DDX10: variants seen among roughly 807,000 people sequenced by gnomAD.
The protein encoded by DDX10 is DEAD-box helicase 10, also known as probable ATP-dependent RNA helicase DDX10.
In DDX10, 74 loss-of-function variants were observed where a neutral mutation model predicts 104.3. The observed-to-expected ratio is 0.71, with a 90% confidence interval of 0.59 to 0.86. The LOEUF is 0.86. DDX10 is among the 40% of genes least tolerant of loss of function. The probability of loss-of-function intolerance (pLI) is 0.00; values close to 1 mark genes in which losing one functional copy is unlikely to be tolerated. For synonymous variants in DDX10, 351 were observed against 353.4 expected (o/e 0.99, Z 0.08); for missense variants, 952 against 1,040.0 (o/e 0.92, Z 1.16).
intron 13 of DDX10, among the ~76,000 whole-genome samples, chr11:108,732,509 G>C (rs989804942): frequency 7.2e-5 from 11 of 152,246 alleles, no homozygotes; most frequent in Admixed American, 5.9e-4. Flanking sequence ...TTAGACTTCG[G>C]CGTAAATGGA....
rs747242977 is a variant in DDX10, at chr11:108,689,083, T to C, written c.975+21T>C. The C allele has an allele frequency of 3.1e-6, 5 of 1,612,278 alleles. No individual in the cohort carries two copies. The African/African-American group carries it at 6.7e-5, about 22-fold the overall frequency. On this transcript the variant is annotated intron_variant, in intron 7 of 17. Transcript: ENST00000322536. ...AAGAGGTATTGGCTGTTTATTTTGC[T>C]TTCTGAACGTATGTTGAATGTCCCT...
chr11:108,692,483 A>G (rs1010053830), intron 8 of DDX10, among the ~76,000 whole-genome samples: 2 of 152,192 alleles, frequency 1.3e-5, no homozygotes, highest in Admixed American at 1.3e-4. Context: ...TTTGTTGATT[A>G]TACAACTCCT....
intron 13 of DDX10, among the ~76,000 whole-genome samples, chr11:108,803,715 G>A (rs989840656): frequency 6.6e-6 from 1 of 151,968 alleles, no homozygotes; most frequent in East Asian, 1.9e-4. Flanking sequence ...TACTTAAAGT[G>A]TAATTTTATG....
intron 13 of DDX10, among the ~76,000 whole-genome samples, chr11:108,801,973 G>T (rs965105215): frequency 4.0e-5 from 6 of 151,152 alleles, no homozygotes; most frequent in East Asian, 1.9e-4. Context: ...TTAAAAAAGT[G>T]GGGGGAGGGA....
intron 13 of DDX10, among the ~76,000 whole-genome samples, chr11:108,763,076 G>A (rs1178530788): frequency 6.6e-6 from 1 of 152,136 alleles, no homozygotes; most frequent in Non-Finnish European, 1.5e-5. Flanking sequence ...TGATCCTTGA[G>A]CAGGCTTCAC....
At chr11:108,673,225 G>A (rs1056021091) in intron 1 of DDX10, among the ~76,000 whole-genome samples, 12 of 152,164 alleles carry the variant, frequency 7.9e-5, no homozygotes, top group African/African-American at 2.9e-4. Flanking sequence ...TATGTGTGGT[G>A]TGTGTGTATT....
intron 16 of DDX10, among the ~76,000 whole-genome samples, chr11:108,855,471 A>T (rs922710309): frequency 2.6e-5 from 4 of 152,028 alleles, no homozygotes; most frequent in African/African-American, 4.8e-5. Flanking sequence ...TTATTTATTT[A>T]TTTTTTAAGA....
intron 13 of DDX10, among the ~76,000 whole-genome samples, chr11:108,749,274 G>A (rs149948630): frequency 6.6e-6 from 1 of 152,056 alleles, no homozygotes; most frequent in African/African-American, 2.4e-5. Flanking sequence ...TCATCATTAC[G>A]CTCCATGTGT....
At chr11:108,711,116 G>A (rs2094283699) in intron 10 of DDX10, among the ~76,000 whole-genome samples, 2 of 152,170 alleles carry the variant, frequency 1.3e-5, no homozygotes. Flanking sequence ...ATCACTGACT[G>A]ACACATCATT....
At chr11:108,719,212 G>A (rs748645518) in intron 11 of DDX10, among the ~76,000 whole-genome samples, 1 of 149,682 alleles carries the variant, frequency 6.7e-6, no homozygotes, top group Non-Finnish European at 1.5e-5. Flanking sequence ...TCCTGAAATG[G>A]TTTTATTAAA....
chr11:108,939,775 T>A (rs1196626169), intron 17 of DDX10, among the ~76,000 whole-genome samples: 1 of 152,226 alleles, frequency 6.6e-6, no homozygotes, highest in Non-Finnish European at 1.5e-5. Flanking sequence ...TAATTTAACA[T>A]CTCAGGTTCT....
chr11:108,737,693 C>T (rs1291035868), intron 13 of DDX10, among the ~76,000 whole-genome samples: 2 of 152,154 alleles, frequency 1.3e-5, no homozygotes, highest in Admixed American at 6.6e-5. Context: ...ATATTTTCAG[C>T]GATGATCTGT....
chr11:108,861,388 A>T (rs1333232159), intron 16 of DDX10, among the ~76,000 whole-genome samples: 1 of 152,190 alleles, frequency 6.6e-6, no homozygotes, highest in Non-Finnish European at 1.5e-5. Flanking sequence ...AGCAGCACTA[A>T]GTATCACTGT....
chr11:108,940,291 A>G lies in DDX10; in HGVS notation c.2496A>G (p.Glu832=). Residue 832 remains glutamate, a synonymous_variant, in exon 18 of 18, where the codon GAA becomes GAG. Coordinates refer to ENST00000322536, the MANE Select transcript of DDX10 (RefSeq NM_004398.4). ...KQGMKKRSNS[E]VEDVGPTSHN... ...GGATGAAGAAGAGGAGCAACAGTGAAGTGGAAGACGTGGGACCAACAAGTC... is the reference window on the plus strand; with the variant it reads ...GGATGAAGAAGAGGAGCAACAGTGAGGTGGAAGACGTGGGACCAACAAGTC... 2 of 1,614,080 alleles carry G rather than the reference A, an allele frequency of 1.2e-6. No homozygotes were observed. Among genetic ancestry groups the G allele is most frequent in the South Asian group, 1.1e-5 (1 of 91,082 alleles).
chr11:108,732,718 G>A (rs2094313753), intron 13 of DDX10, among the ~76,000 whole-genome samples: 1 of 152,192 alleles, frequency 6.6e-6, no homozygotes, highest in South Asian at 2.1e-4. Context: ...AAGGCAGTAA[G>A]AGATGGCTGG....
At chr11:108,830,223 G>T (rs1443989263) in intron 13 of DDX10, among the ~76,000 whole-genome samples, 1 of 152,138 alleles carries the variant, frequency 6.6e-6, no homozygotes, top group Non-Finnish European at 1.5e-5. Context: ...TGTGTCATCT[G>T]TGATTTCTTT....
intron 16 of DDX10, among the ~76,000 whole-genome samples, chr11:108,905,664 G>A (rs1345102659): frequency 6.6e-6 from 1 of 152,128 alleles, no homozygotes; most frequent in Non-Finnish European, 1.5e-5. Flanking sequence ...CATCTCATAT[G>A]TAGCCTTTGG....
intron 9 of DDX10, among the ~76,000 whole-genome samples, chr11:108,702,847 A>G (rs887994927): frequency 6.6e-6 from 1 of 152,194 alleles, no homozygotes; most frequent in African/African-American, 2.4e-5. Flanking sequence ...TAACCAGCTG[A>G]TTTTAGGCCA....
At chr11:108,748,548 A>C (rs1486147126) in intron 13 of DDX10, among the ~76,000 whole-genome samples, 1 of 152,188 alleles carries the variant, frequency 6.6e-6, no homozygotes, top group Non-Finnish European at 1.5e-5. Context: ...TTGAAGACAG[A>C]ATGTACTGAT....
Sources: gnomAD v4.1 joint callset for allele counts (sites outside exome capture counted in the v4.1 genomes callset) on GRCh38, gnomAD v4.1.1 for gene constraint, MANE v1.5 for transcripts, NCBI Gene and HGNC (gene_info 2026-07-23, HGNC 2026-07-21) for gene names.